Variants in NECAP2 observed in about 807,000 individuals in gnomAD.
The protein encoded by NECAP2 is NECAP endocytosis associated 2, also known as adaptin ear-binding coat-associated protein 2.
Under a neutral mutation model 37.8 loss-of-function variants are expected in NECAP2, and 38 were observed. The observed-to-expected ratio is 1.01, with a 90% CI of 0.78 to 1.32. The LOEUF is 1.32. Among genes scored for constraint, NECAP2 ranks in the 40% most tolerant of loss-of-function variants. The probability of loss-of-function intolerance (pLI) is 0.00; values close to 1 mark genes in which losing one functional copy is unlikely to be tolerated. For missense variants in NECAP2, 316 were observed against 334.5 expected, an observed-to-expected ratio of 0.94 and a Z score of 0.43; for synonymous variants, 121 against 127.7, an observed-to-expected ratio of 0.95 and a Z score of 0.35.
At chr1:16,442,695 C>T (rs989132469) in intron 1 of NECAP2, among the ~76,000 whole-genome samples, 4 of 152,282 alleles carry the variant, frequency 2.6e-5, no homozygotes, top group East Asian at 1.9e-4. Flanking sequence ...TGGGAAGCCT[C>T]GGTGGAAGGA....
chr1:16,441,093 A>C, intron 1 of NECAP2: 1 of 537,382 alleles, frequency 1.9e-6, no homozygotes, highest in Non-Finnish European at 3.3e-6. Context: ...TCTAGCGCTT[A>C]GGGACCCCGG....
chr1:16,446,304 C>A (rs75577122), intron 2 of NECAP2, among the ~76,000 whole-genome samples: 2 of 152,198 alleles, frequency 1.3e-5, no homozygotes, highest in Non-Finnish European at 2.9e-5. Context: ...TGGTGACTCA[C>A]GCTTATAATC....
In NECAP2 at chr1:16,449,199, G is replaced by T. The variant is rs757043148; in HGVS notation, c.487G>T (p.Ala163Ser). The change falls in exon 5 of 8, where the codon GCA becomes TCA. Residue 163 changes from alanine to serine, a missense_variant and splice_region_variant. By Grantham distance (99) the Ala-to-Ser change is moderately conservative. Around this residue, in one of 3 missense-constraint regions of NECAP2, gnomAD observed 204 missense variants for 188.6 expected, o/e 1.08. Coordinates refer to ENST00000337132, the MANE Select transcript of NECAP2 (RefSeq NM_018090.5). Reference protein sequence around the residue: ...KEGQTIKLNIANMKKKEGAAG... With the variant: ...KEGQTIKLNISNMKKKEGAAG... ...GGGCCAGACCATCAAGCTCAACATC[G>T]CAGTGAGTTCTACCCTTGCTTGGCT... The T allele has an allele frequency of 8.1e-6, 13 of 1,606,284 alleles. No homozygotes were observed. The highest frequency in any genetic ancestry group is 1.3e-5 in the African/African-American group (1 of 74,808).
intron 5 of NECAP2, chr1:16,450,560 G>T: frequency 6.5e-6 from 1 of 154,422 alleles, no homozygotes; most frequent in South Asian, 2.0e-4. Flanking sequence ...CATGCTTGGT[G>T]CTCAGTTTTT....
At chr1:16,447,657 C>G (rs922850702) in intron 2 of NECAP2, among the ~76,000 whole-genome samples, 3 of 152,198 alleles carry the variant, frequency 2.0e-5, no homozygotes, top group African/African-American at 7.2e-5. Flanking sequence ...TAAATTTGAC[C>G]TGTAAGCTCT....
rs1188562539 is a variant in NECAP2, at chr1:16,455,873, A to G, written c.723A>G (p.Gly241=). Residue 241 remains glycine, a synonymous_variant, in exon 7 of 8, where the codon GGA becomes GGG. Coordinates refer to ENST00000337132, the MANE Select transcript of NECAP2 (RefSeq NM_018090.5). ...QPNPATADIW[G]DFTKSTGSTS... is the part of the protein sequence containing the mutation. ...ATCCTGCCACTGCTGACATCTGGGG[A>G]GACTTTACCAAATCTACAGGGTAAG... 1 of 1,614,010 alleles carries G rather than the reference A, an allele frequency of 6.2e-7. No individual in the cohort carries two copies. The highest frequency in any genetic ancestry group is 8.5e-7 in the Non-Finnish European group (1 of 1,179,958).
At chr1:16,450,373 G>A (rs279780) in intron 5 of NECAP2, 161,911 of 311,446 alleles carry the variant, frequency 0.52, 44,736 homozygotes, top group South Asian at 0.66. Context: ...CTTAGGGAGG[G>A]TTGGGGACTT....
intron 1 of NECAP2, among the ~76,000 whole-genome samples, chr1:16,442,532 A>G (rs779597445): frequency 6.6e-6 from 1 of 152,234 alleles, no homozygotes; most frequent in Non-Finnish European, 1.5e-5. Context: ...GAACTGGCAT[A>G]GGGACTTCTA....
rs530100418 is a variant in NECAP2, at chr1:16,456,172, T to C, written c.743+279T>C. Among the ~76,000 whole-genome samples, 271 of 152,124 alleles carry C rather than the reference T, an allele frequency of 1.8e-3. 2 individuals are homozygous for C. The highest frequency in any genetic ancestry group is 4.7e-3 in the African/African-American group (193 of 41,504). On this transcript the variant is annotated intron_variant, in intron 7 of 7. Transcript: ENST00000337132. ...CTGAGTAGCTGGGATTACAGGCACC[T>C]GCCACCACGCCTGGCTAATTTTTTA...
chr1:16,452,003 GC>G lies in NECAP2; in HGVS notation c.656del (p.Ala219ValfsTer81). The G allele has an allele frequency of 1.3e-6, 2 of 1,594,050 alleles. No homozygotes were observed. The highest frequency in any genetic ancestry group is 8.5e-7 in the Non-Finnish European group (1 of 1,170,066). On this transcript the variant is annotated frameshift_variant, in exon 6 of 8. Coordinates refer to ENST00000337132, the MANE Select transcript of NECAP2 (RefSeq NM_018090.5). LOFTEE classifies it high-confidence loss of function. ...VGGSLVQPAV[A>X]PSSGGAPVPW... is the part of the protein sequence containing the mutation. ...GGGATCCCTCGTCCAGCCAGCAGTT[GC>G]TCCCAGTTCAGGTTAGTGCTCAGTG...
At chr1:16,457,707 G>GTTTTTTTTTTTTTTTTTT (rs56863489) in intron 7 of NECAP2, among the ~76,000 whole-genome samples, 1 of 105,496 alleles carries the variant, frequency 9.5e-6, no homozygotes, top group Non-Finnish European at 1.9e-5. Flanking sequence ...TAGTAATTCT[G>GTTTTTTTTTTTTTTTTTT]TTTTTTTTTT....
rs1254234074 is a variant in NECAP2, at chr1:16,458,956, A to T, written c.*66A>T. On this transcript the variant is annotated 3_prime_UTR_variant, in exon 8 of 8. Coordinates refer to ENST00000337132, the MANE Select transcript of NECAP2 (RefSeq NM_018090.5). Reference sequence around the variant, plus strand: ...CTCCCTCATCTGGGCCAAAGGAAGGAGGACGAAGCCCTCCTCAGCTGGCCT... The same window carrying T: ...CTCCCTCATCTGGGCCAAAGGAAGGTGGACGAAGCCCTCCTCAGCTGGCCT... The T allele has an allele frequency of 1.8e-5, 29 of 1,613,702 alleles. No individual in the cohort carries two copies. Among genetic ancestry groups the T allele is most frequent in the Non-Finnish European group, 2.5e-5 (29 of 1,179,820 alleles).
intron 6 of NECAP2, among the ~76,000 whole-genome samples, chr1:16,454,241 T>G (rs1484646220): frequency 6.6e-6 from 1 of 150,586 alleles, no homozygotes; most frequent in Non-Finnish European, 1.5e-5. Context: ...GTATTTTTAG[T>G]GGAGACGGGG....
chr1:16,442,915 C>T (rs2086709386), intron 1 of NECAP2, among the ~76,000 whole-genome samples: 1 of 152,154 alleles, frequency 6.6e-6, no homozygotes, highest in African/African-American at 2.4e-5. Flanking sequence ...GAGTGAGACC[C>T]CGTCTCAAAC....
intron 6 of NECAP2, among the ~76,000 whole-genome samples, chr1:16,454,007 T>C (rs1570271623): frequency 6.6e-6 from 1 of 152,200 alleles, no homozygotes; most frequent in South Asian, 2.1e-4. Context: ...ATGAACAATA[T>C]GGTTGGGTTC....
At chr1:16,443,068 A>C (rs908853795) in intron 1 of NECAP2, among the ~76,000 whole-genome samples, 2 of 152,150 alleles carry the variant, frequency 1.3e-5, no homozygotes, top group Non-Finnish European at 2.9e-5. Context: ...CTTTCAAGAT[A>C]GTCTCACTGG....
intron 7 of NECAP2, 121 bp downstream of exon 7, chr1:16,456,014 G>T (rs1570274679): frequency 3.0e-4 from 171 of 563,460 alleles, no homozygotes; most frequent in South Asian, 6.7e-4. Flanking sequence ...TAATTTGGAT[G>T]TTTTCTTTTC....
chr1:16,449,265 A>C lies in NECAP2; in HGVS notation c.489+64A>C, dbSNP rs1419400498. 3.6e-6 allele frequency: 4 copies of C among 1,112,026 alleles called. No individual in the cohort carries two copies. In the East Asian group the frequency reaches 7.6e-5, roughly 21 times the overall value. 68.9% of individuals were successfully genotyped at this position (1,112,026 alleles called of 1,614,324 possible). On this transcript the variant is annotated intron_variant, in intron 5 of 7. Transcript: ENST00000337132. ...TTGTGGCCACCCAGCCCCAGAGCCCATTGCTCTTCTTACAGTTCAGCTCCT... is the reference window on the plus strand; with the variant it reads ...TTGTGGCCACCCAGCCCCAGAGCCCCTTGCTCTTCTTACAGTTCAGCTCCT...
At chr1:16,442,274 G>A (rs555573373) in intron 1 of NECAP2, among the ~76,000 whole-genome samples, 27 of 152,074 alleles carry the variant, frequency 1.8e-4, no homozygotes, top group Admixed American at 9.2e-4. Flanking sequence ...CACCGCGCCC[G>A]GCCCCCTATT....
Sources: gnomAD v4.1 joint callset for allele counts (sites outside exome capture counted in the v4.1 genomes callset) on GRCh38, gnomAD v4.1.1 for gene constraint, gnomAD v4.1.1 regional missense constraint, MANE v1.5 for transcripts, NCBI Gene and HGNC (gene_info 2026-07-23, HGNC 2026-07-21) for gene names.